Variants in SOX5 observed in about 807,000 individuals in gnomAD.
The protein encoded by SOX5 is transcription factor SOX-5.
A neutral mutation model predicts 92.0 loss-of-function variants in SOX5; 9 were observed. The ratio of observed to expected loss-of-function variants is 0.10; its 90% confidence interval spans 0.06 to 0.17. SOX5 has a LOEUF of 0.17. Ranked by LOEUF, SOX5 falls within the 10% of genes least tolerant of loss-of-function variation. SOX5 has a pLI of 1.00. For synonymous variants in SOX5, 344 were observed against 336.3 expected (o/e 1.02, Z -0.25); for missense variants, 642 against 944.5 (o/e 0.68, Z 4.20).
chr12:24,455,077 G>T (rs1430308422), intron 1 of SOX5, among the ~76,000 whole-genome samples: 1 of 152,194 alleles, frequency 6.6e-6, no homozygotes, highest in Non-Finnish European at 1.5e-5. Context: ...AGCTTCCTTA[G>T]ATAGTGGATC....
chr12:23,803,588 G>T (rs936457124), intron 3 of SOX5, among the ~76,000 whole-genome samples: 1 of 152,028 alleles, frequency 6.6e-6, no homozygotes, highest in African/African-American at 2.4e-5. Flanking sequence ...ATACTAATCT[G>T]CTATCTACCA....
In SOX5 at chr12:23,741,658, C is replaced by T. The variant is rs74069176; in HGVS notation, c.569-619G>A. The stretch of plus-strand genomic sequence containing the variant: ...CTATCTAGCCAATCAAGTTTTAGAG[C>T]GTATTCCCCATATGCCAATTCAGAG... On this transcript the variant is annotated intron_variant, in intron 4 of 14. Coordinates refer to ENST00000451604, the MANE Select transcript of SOX5 (RefSeq NM_006940.6). Among the ~76,000 whole-genome samples, 613 of 152,212 alleles carry T rather than the reference C, an allele frequency of 4.0e-3. 3 individuals are homozygous for T. Among genetic ancestry groups the T allele is most frequent in the African/African-American group, 0.012 (515 of 41,546 alleles).
At chr12:23,906,587 C>G (rs1351457738) in intron 1 of SOX5, among the ~76,000 whole-genome samples, 1 of 152,192 alleles carries the variant, frequency 6.6e-6, no homozygotes, top group Admixed American at 6.5e-5. Flanking sequence ...TGCTCGGCTC[C>G]TTGTGTGTCT....
intron 1 of SOX5, among the ~76,000 whole-genome samples, chr12:24,523,155 A>G (rs1481994939): frequency 6.6e-6 from 1 of 152,176 alleles, no homozygotes; most frequent in East Asian, 1.9e-4. Context: ...TATCACCAAA[A>G]AGACAACATA....
At chr12:24,023,909 A>C (rs1190670200) in intron 4 of SOX5, among the ~76,000 whole-genome samples, 1 of 152,064 alleles carries the variant, frequency 6.6e-6, no homozygotes, top group Non-Finnish European at 1.5e-5. Flanking sequence ...TCTCTTTGAC[A>C]AGTGAGGAAA....
chr12:23,709,261 C>T (rs1271301150), intron 6 of SOX5, among the ~76,000 whole-genome samples: 1 of 151,988 alleles, frequency 6.6e-6, no homozygotes, highest in Non-Finnish European at 1.5e-5. Context: ...GCCATCATCC[C>T]CAGCTAATAT....
At chr12:23,723,566 T>TTA (rs10679589) in intron 6 of SOX5, among the ~76,000 whole-genome samples, 5,570 of 144,624 alleles carry the variant, frequency 0.039, 223 homozygotes, top group African/African-American at 0.1. Context: ...AGGAGAAAAA[T>TTA]TATATATATA....
chr12:24,497,605 T>A (rs1446936013), intron 1 of SOX5, among the ~76,000 whole-genome samples: 2 of 151,922 alleles, frequency 1.3e-5, no homozygotes, highest in Non-Finnish European at 2.9e-5. Context: ...TTGGTGGGAG[T>A]GTAAATCAAT....
chr12:24,125,596 G>A lies in SOX5; in HGVS notation c.-2+87747C>T, dbSNP rs189144574. 3.3e-5 allele frequency among the ~76,000 whole-genome samples: 5 copies of A among 152,206 alleles called. No homozygotes were observed. In the East Asian group the frequency reaches 9.7e-4, roughly 29 times the overall value. ...AGTAGCAGTAAAAGGAAAACTTAGG[G>A]AATACTGAGAAATCGTCTCTATGAT... On this transcript the variant is annotated intron_variant, in intron 4 of 4. Coordinates refer to the SOX5 transcript ENST00000446891.
intron 4 of SOX5, among the ~76,000 whole-genome samples, chr12:24,087,394 T>C (rs1256923076): frequency 1.1e-4 from 16 of 152,110 alleles, no homozygotes; most frequent in Admixed American, 1.0e-3. Flanking sequence ...GTCTCTTACC[T>C]TTATTACTCG....
intron 10 of SOX5, among the ~76,000 whole-genome samples, chr12:23,572,561 T>C (rs777129425): frequency 6.6e-6 from 1 of 152,106 alleles, no homozygotes; most frequent in African/African-American, 2.4e-5. Flanking sequence ...TCTTTGGGAA[T>C]GCTAAAGAAA....
At chr12:24,412,430 T>C (rs781107444) in intron 1 of SOX5, among the ~76,000 whole-genome samples, 4 of 152,118 alleles carry the variant, frequency 2.6e-5, no homozygotes, top group Non-Finnish European at 5.9e-5. Flanking sequence ...GCCATAAACT[T>C]CCCTCTCAAA....
chr12:23,827,158 A>C (rs548965083), intron 3 of SOX5, among the ~76,000 whole-genome samples: 1 of 152,322 alleles, frequency 6.6e-6, no homozygotes, highest in Non-Finnish European at 1.5e-5. Flanking sequence ...ATTTCTTAGA[A>C]GGAGTTAAAA....
chr12:24,010,998 C>A (rs1952866140), intron 4 of SOX5, among the ~76,000 whole-genome samples: 1 of 151,774 alleles, frequency 6.6e-6, no homozygotes, highest in African/African-American at 2.4e-5. Flanking sequence ...CCAAAGAGAC[C>A]AGTGGACTAA....
At chr12:24,450,608 C>T (rs1305705440) in intron 1 of SOX5, among the ~76,000 whole-genome samples, 1 of 152,062 alleles carries the variant, frequency 6.6e-6, no homozygotes, top group Non-Finnish European at 1.5e-5. Context: ...GATTCTCCTG[C>T]CTCAGCCTCC....
chr12:24,399,875 T>C (rs1417983893), intron 1 of SOX5, among the ~76,000 whole-genome samples: 4 of 152,220 alleles, frequency 2.6e-5, no homozygotes, highest in African/African-American at 9.6e-5. Context: ...AACATATAGG[T>C]ATAGTACATT....
At chr12:24,001,511 A>G (rs1429701683) in intron 4 of SOX5, among the ~76,000 whole-genome samples, 4 of 152,214 alleles carry the variant, frequency 2.6e-5, no homozygotes, top group Non-Finnish European at 5.9e-5. Context: ...AGGTCAAAGA[A>G]AATAATCACA....
chr12:24,163,516 T>TCC (rs2139019248), intron 4 of SOX5, among the ~76,000 whole-genome samples: 1 of 151,974 alleles, frequency 6.6e-6, no homozygotes, highest in Non-Finnish European at 1.5e-5. Flanking sequence ...TTTTTTTTTT[T>TCC]TTTGATATTT....
intron 1 of SOX5, among the ~76,000 whole-genome samples, chr12:24,423,971 C>T (rs1263509636): frequency 2.0e-5 from 3 of 152,168 alleles, no homozygotes; most frequent in South Asian, 2.1e-4. Flanking sequence ...AAATTCACTC[C>T]ATTTCATTTT....
Sources: allele counts gnomAD v4.1 joint callset (sites outside exome capture counted in the v4.1 genomes callset), GRCh38; gene constraint gnomAD v4.1.1; transcripts MANE v1.5; gene names NCBI Gene and HGNC (gene_info 2026-07-23, HGNC 2026-07-21).